Variants in CNOT4 observed in about 807,000 individuals in gnomAD.
CNOT4 encodes CCR4-NOT transcription complex subunit 4, also known as CCR4-associated factor 4.
CNOT4 carries 8 observed loss-of-function variants against 73.8 expected under a neutral mutation model. That is an observed-to-expected ratio of 0.11 (90% CI 0.06 to 0.20). The LOEUF is 0.20. Among genes scored for constraint, CNOT4 ranks in the 10% least tolerant of loss-of-function variants. The pLI, the probability that CNOT4 is intolerant of heterozygous loss-of-function variation, is 1.00. For missense variants in CNOT4, 564 were observed against 883.4 expected (o/e 0.64, Z 4.58); for synonymous variants, 293 against 321.1 (o/e 0.91, Z 0.94).
At chr7:135,395,032 C>T (rs749115451) in intron 9 of CNOT4, among the ~76,000 whole-genome samples, 1 of 151,948 alleles carries the variant, frequency 6.6e-6, no homozygotes, top group Non-Finnish European at 1.5e-5. Flanking sequence ...GCATCTTTGT[C>T]AGCTGGGGGT....
At position 135,398,187 on chromosome 7, in the gene CNOT4, G is replaced by A. The variant is rs375226749; in HGVS notation, c.861C>T (p.Asn287=). 45 of 1,549,248 alleles carry A rather than the reference G, an allele frequency of 2.9e-5. No individual in the cohort carries two copies. Among genetic ancestry groups the A allele is most frequent in the African/African-American group, 1.9e-4 (14 of 73,488 alleles). The change falls in exon 8 of 12, where the codon AAC becomes AAT. Residue 287 remains asparagine (N), a synonymous_variant. Coordinates refer to ENST00000541284, the MANE Select transcript of CNOT4 (RefSeq NM_001190850.2). ...DKPSDSLSIG[N]GDNSQQISNS... is the part of the protein sequence containing the mutation. ...ATCTTACCTGCTGGGAATTATCACC[G>A]TTCCCTATACTGAGAGAATCTGAAG...
At chr7:135,367,404 G>C (rs1165521840) in intron 10 of CNOT4, among the ~76,000 whole-genome samples, 1 of 152,150 alleles carries the variant, frequency 6.6e-6, no homozygotes, top group Non-Finnish European at 1.5e-5. Flanking sequence ...ATTGTAGATA[G>C]GTTGTATAAG....
chr7:135,379,057 T>C (rs990306159), intron 10 of CNOT4, among the ~76,000 whole-genome samples: 2 of 147,550 alleles, frequency 1.4e-5, no homozygotes, highest in African/African-American at 5.0e-5. Flanking sequence ...AGTAGGAAAA[T>C]CATATAGGTA....
intron 1 of CNOT4, among the ~76,000 whole-genome samples, chr7:135,500,999 T>C (rs1803925839): frequency 6.6e-6 from 1 of 151,660 alleles, no homozygotes; most frequent in Non-Finnish European, 1.5e-5. Flanking sequence ...TTTTTTTTTT[T>C]TGGAGACAGA....
intron 1 of CNOT4, among the ~76,000 whole-genome samples, chr7:135,458,522 T>C (rs1187154468): frequency 6.6e-6 from 1 of 152,110 alleles, no homozygotes; most frequent in African/African-American, 2.4e-5. Flanking sequence ...TGATACTGTT[T>C]GATAGCATTT....
intron 10 of CNOT4, among the ~76,000 whole-genome samples, chr7:135,365,265 C>T (rs1794851539): frequency 6.6e-6 from 1 of 152,166 alleles, no homozygotes; most frequent in Non-Finnish European, 1.5e-5. Context: ...GAACGAAGGT[C>T]ATCTCTGAAC....
At chr7:135,373,345 C>A (rs1795324240) in intron 10 of CNOT4, among the ~76,000 whole-genome samples, 1 of 152,150 alleles carries the variant, frequency 6.6e-6, no homozygotes, top group Non-Finnish European at 1.5e-5. Flanking sequence ...GCATGATCTT[C>A]TAACCAAAAG....
chr7:135,406,299 C>G (rs575896518), intron 7 of CNOT4, among the ~76,000 whole-genome samples: 1 of 106,386 alleles, frequency 9.4e-6, no homozygotes, highest in African/African-American at 3.6e-5. Context: ...ACATCCCCAC[C>G]CCCCACCCTC....
intron 9 of CNOT4, among the ~76,000 whole-genome samples, chr7:135,395,208 A>G (rs1021448591): frequency 5.3e-5 from 8 of 151,906 alleles, no homozygotes. Flanking sequence ...GTATAGCAAG[A>G]CCCTGTCTCT....
At chr7:135,426,236 A>T (rs541676707) in intron 2 of CNOT4, among the ~76,000 whole-genome samples, 1 of 152,174 alleles carries the variant, frequency 6.6e-6, no homozygotes, top group South Asian at 2.1e-4. Context: ...GGAAATGAAG[A>T]AACCAAACAC....
intron 3 of CNOT4, among the ~76,000 whole-genome samples, chr7:135,417,153 A>G (rs866267530): frequency 6.6e-6 from 1 of 152,150 alleles, no homozygotes; most frequent in Non-Finnish European, 1.5e-5. Context: ...TCTTTATTAC[A>G]TAGGATAAAA....
At chr7:135,422,475 GT>G (rs1323920923) in intron 2 of CNOT4, 122 bp from the exon 3 acceptor site, 2 of 563,622 alleles carry the variant, frequency 3.5e-6, no homozygotes, top group Non-Finnish European at 6.3e-6. Context: ...TTATTAGAAT[GT>G]TTTAACTGCT....
At chr7:135,439,757 G>T (rs1194589257) in intron 1 of CNOT4, among the ~76,000 whole-genome samples, 2 of 152,196 alleles carry the variant, frequency 1.3e-5, no homozygotes, top group Non-Finnish European at 2.9e-5. Flanking sequence ...TCCAGCATGG[G>T]TGACAGAGAC....
chr7:135,489,393 T>C (rs1031782034), intron 1 of CNOT4, among the ~76,000 whole-genome samples: 11 of 79,082 alleles, frequency 1.4e-4, no homozygotes, highest in Non-Finnish European at 2.3e-4. Context: ...TCACATTTCT[T>C]TTTTTTTTTT....
At chr7:135,413,435 A>G (rs910990733) in intron 6 of CNOT4, 53 bp downstream of exon 6, 5 of 1,584,662 alleles carry the variant, frequency 3.2e-6, no homozygotes, top group Non-Finnish European at 4.3e-6. Context: ...TAACTAATAA[A>G]AAAAAAAGTA....
chr7:135,415,393 A>G lies in CNOT4; in HGVS notation c.373-131T>C, dbSNP rs1457927236. On this transcript the variant is annotated intron_variant, in intron 3 of 11. Transcript: ENST00000541284. ...TTTTTAAAGTTTTCTAATAAATGTCACTACCTCCTAATTGCAGTTTGTGTA... is the reference window on the plus strand; with the variant it reads ...TTTTTAAAGTTTTCTAATAAATGTCGCTACCTCCTAATTGCAGTTTGTGTA... The G allele has an allele frequency of 5.4e-6, 3 of 553,086 alleles. No individual in the cohort carries two copies. In the East Asian group the frequency reaches 9.3e-5, roughly 17 times the overall value. The allele number at this position is 553,086 out of a possible 1,614,324, so 34.3% of individuals were successfully genotyped here.
intron 1 of CNOT4, among the ~76,000 whole-genome samples, chr7:135,471,058 T>C (rs1801545995): frequency 6.6e-6 from 1 of 152,234 alleles, no homozygotes; most frequent in South Asian, 2.1e-4. Context: ...CAGTTAAGCC[T>C]ACTATATGTA....
chr7:135,385,692 C>T (rs1288868279), intron 10 of CNOT4, among the ~76,000 whole-genome samples: 2 of 152,156 alleles, frequency 1.3e-5, no homozygotes, highest in Non-Finnish European at 2.9e-5. Flanking sequence ...TATAAGTATT[C>T]AATACCCTTT....
At position 135,362,786 on chromosome 7, in the gene CNOT4, A is replaced by G. The variant is rs780754816; in HGVS notation, c.*99T>C. 1.8e-6 allele frequency: 2 copies of G among 1,130,254 alleles called. No individual in the cohort carries two copies. Among genetic ancestry groups the G allele is most frequent in the Non-Finnish European group, 2.7e-6 (2 of 740,886 alleles). The allele number at this position is 1,130,254 out of a possible 1,614,324, so 70.0% of individuals were successfully genotyped here. On this transcript the variant is annotated 3_prime_UTR_variant, in exon 12 of 12. Coordinates refer to ENST00000541284, the MANE Select transcript of CNOT4 (RefSeq NM_001190850.2). ...AAATTGATCAGGTACTGGATTCTTCAGAACATAAGAGATGAGAAGGGAGCT... is the reference window on the plus strand; with the variant it reads ...AAATTGATCAGGTACTGGATTCTTCGGAACATAAGAGATGAGAAGGGAGCT...
Sources: allele counts gnomAD v4.1 joint callset (sites outside exome capture counted in the v4.1 genomes callset), GRCh38; gene constraint gnomAD v4.1.1; transcripts MANE v1.5; gene names NCBI Gene and HGNC (gene_info 2026-07-23, HGNC 2026-07-21).